DLGAP1: variants seen among roughly 807,000 people sequenced by gnomAD.
The protein encoded by DLGAP1 is DLG associated protein 1, also known as disks large-associated protein 1.
A neutral mutation model predicts 90.8 loss-of-function variants in DLGAP1; 11 were observed. The ratio of observed to expected loss-of-function variants is 0.12; its 90% CI spans 0.08 to 0.20. The LOEUF (loss-of-function observed/expected upper bound fraction) is 0.20. Ranked by LOEUF, DLGAP1 falls within the 10% of genes least tolerant of loss-of-function variation. The probability of loss-of-function intolerance (pLI) is 1.00; values close to 1 mark genes in which losing one functional copy is unlikely to be tolerated. For synonymous variants in DLGAP1, 558 were observed against 540.7 expected (o/e 1.03, Z -0.44); for missense variants, 1,050 against 1,333.8 (o/e 0.79, Z 3.31).
intron 7 of DLGAP1, among the ~76,000 whole-genome samples, chr18:3,664,218 C>CCA (rs759262912): frequency 0.015 from 1,104 of 75,772 alleles, 8 homozygotes; most frequent in South Asian, 0.036. Context: ...ACACACACAC[C>CCA]CACACACACA....
At chr18:3,981,687 G>C (rs1331712767) in intron 3 of DLGAP1, among the ~76,000 whole-genome samples, 2 of 152,202 alleles carry the variant, frequency 1.3e-5, no homozygotes, top group Non-Finnish European at 2.9e-5. Flanking sequence ...GATTCTGCAT[G>C]GCTTGGGACA....
At chr18:4,438,421 G>GA (rs985450639) in intron 1 of DLGAP1, among the ~76,000 whole-genome samples, 1 of 98,598 alleles carries the variant, frequency 1.0e-5, no homozygotes, top group Non-Finnish European at 1.8e-5. Context: ...GACAGAGCGA[G>GA]ACTCCATCTC....
rs528335015 is a variant in DLGAP1 at position 4,019,803 on chromosome 18, G to A, written c.-158-14602C>T. Among the ~76,000 whole-genome samples, 29 of 144,574 alleles carry A rather than the reference G, an allele frequency of 2.0e-4. 1 individual carries two copies. The highest frequency in any genetic ancestry group is 1.4e-3 in the Admixed American group (20 of 14,172). 94.8% of individuals were successfully genotyped at this position (144,574 alleles called of 152,430 possible). A position where few individuals can be genotyped will look rare whatever the true frequency, so the allele number is the denominator to read the frequency against. On this transcript the variant is annotated intron_variant, in intron 2 of 12. Transcript: ENST00000315677. ...TCTAGGAAACGAGACACATAGGCGC[G>A]CGCGTGTGCGCGCACACACACACAC...
intron 7 of DLGAP1, among the ~76,000 whole-genome samples, chr18:3,651,015 G>A (rs182656669): frequency 6.7e-4 from 101 of 151,222 alleles, no homozygotes; most frequent in African/African-American, 2.3e-3. Flanking sequence ...GCAGTGAGCC[G>A]AGATCACACC....
At chr18:3,784,628 G>A (rs185574665) in intron 5 of DLGAP1, among the ~76,000 whole-genome samples, 133 of 152,230 alleles carry the variant, frequency 8.7e-4, no homozygotes, top group African/African-American at 3.1e-3. Context: ...CTCTGCGCCC[G>A]CGATGCTCCT....
chr18:3,571,206 T>C (rs2054762546), intron 8 of DLGAP1: 1 of 151,938 alleles, frequency 6.6e-6, no homozygotes, highest in Non-Finnish European at 1.5e-5. Context: ...ATTTTATTTA[T>C]TTATTTGCTG....
At chr18:3,932,097 G>A (rs2072530015) in intron 3 of DLGAP1, among the ~76,000 whole-genome samples, 2 of 152,122 alleles carry the variant, frequency 1.3e-5, no homozygotes, top group African/African-American at 4.8e-5. Flanking sequence ...GCGTGAGGGT[G>A]TCTAAAATAT....
chr18:3,684,434 G>A (rs186188526), intron 7 of DLGAP1, among the ~76,000 whole-genome samples: 26 of 149,780 alleles, frequency 1.7e-4, no homozygotes, highest in African/African-American at 3.9e-4. Context: ...TCTTGAGCTC[G>A]GGTAATCCTC....
At chr18:3,765,906 A>G (rs2064222015) in intron 5 of DLGAP1, among the ~76,000 whole-genome samples, 1 of 152,184 alleles carries the variant, frequency 6.6e-6, no homozygotes. Context: ...AAAATTAAGT[A>G]TCACATTGGA....
At chr18:3,960,571 A>T (rs2073176923) in intron 3 of DLGAP1, among the ~76,000 whole-genome samples, 1 of 152,230 alleles carries the variant, frequency 6.6e-6, no homozygotes, top group Non-Finnish European at 1.5e-5. Flanking sequence ...CTCTAAAAAA[A>T]TAATAACATA....
intron 10 of DLGAP1, among the ~76,000 whole-genome samples, chr18:3,513,853 G>A (rs1179576556): frequency 2.0e-5 from 3 of 152,130 alleles, no homozygotes; most frequent in Admixed American, 6.5e-5. Context: ...GACCTCTGTG[G>A]GATAGGTTGT....
At chr18:4,132,092 A>G (rs933369297) in intron 2 of DLGAP1, among the ~76,000 whole-genome samples, 2 of 152,168 alleles carry the variant, frequency 1.3e-5, no homozygotes, top group Non-Finnish European at 2.9e-5. Context: ...TGGCAGCTAA[A>G]ACAATAATTG....
At chr18:4,381,397 C>T (rs12456124) in intron 1 of DLGAP1, among the ~76,000 whole-genome samples, 53,582 of 152,000 alleles carry the variant, frequency 0.35, 10,139 homozygotes, top group African/African-American at 0.48. Flanking sequence ...TTCAAAAGAA[C>T]CAGTCCTCAG....
chr18:3,881,679 C>T (rs554627304), intron 3 of DLGAP1, among the ~76,000 whole-genome samples: 3 of 152,148 alleles, frequency 2.0e-5, no homozygotes, highest in Non-Finnish European at 2.9e-5. Context: ...TTTGGGAGGC[C>T]GAGGCAGGTG....
chr18:4,301,182 T>C (rs2080117596), intron 1 of DLGAP1, among the ~76,000 whole-genome samples: 1 of 152,162 alleles, frequency 6.6e-6, no homozygotes, highest in Non-Finnish European at 1.5e-5. Flanking sequence ...CAATACATTA[T>C]TTTTAATTAT....
chr18:3,705,489 G>A (rs903755484), intron 7 of DLGAP1, among the ~76,000 whole-genome samples: 2 of 151,582 alleles, frequency 1.3e-5, no homozygotes, highest in Non-Finnish European at 2.9e-5. Context: ...TGATTTAGTC[G>A]CAGTATAATT....
At chr18:3,921,571 A>G (rs2072270454) in intron 3 of DLGAP1, among the ~76,000 whole-genome samples, 1 of 152,264 alleles carries the variant, frequency 6.6e-6, no homozygotes, top group Non-Finnish European at 1.5e-5. Context: ...AATGGAGACC[A>G]TAGCTAGACA....
Position 4,348,647 on chromosome 18 carries a change from T to C in DLGAP1, c.-267+106359A>G, listed in dbSNP as rs141328155. Among the ~76,000 whole-genome samples, 6 of 152,118 alleles carry C rather than the reference T, an allele frequency of 3.9e-5. No individual in the cohort carries two copies. In the East Asian group the frequency reaches 1.2e-3, roughly 29 times the overall value. On this transcript the variant is annotated intron_variant, in intron 1 of 12. Transcript: ENST00000315677. ...GGTTGATTTTGGGAATGGGTAGATA[T>C]TAGCGGGATGAAGAAATGGAGCAAG...
intron 2 of DLGAP1, among the ~76,000 whole-genome samples, chr18:4,015,333 G>A (rs527925185): frequency 6.6e-6 from 1 of 152,102 alleles, no homozygotes; most frequent in African/African-American, 2.4e-5. Context: ...TTTTGAAATG[G>A]ATCTGAGCCT....
Sources: gnomAD v4.1 joint callset for allele counts (sites outside exome capture counted in the v4.1 genomes callset) on GRCh38, gnomAD v4.1.1 for gene constraint, MANE v1.5 for transcripts, NCBI Gene and HGNC (gene_info 2026-07-23, HGNC 2026-07-21) for gene names.